CPNE7: variants seen among roughly 807,000 people sequenced by gnomAD.
CPNE7 encodes the protein copine-7.
A neutral mutation model predicts 66.5 loss-of-function variants in CPNE7; 78 were observed. The ratio of observed to expected loss-of-function variants is 1.17; its 90% CI spans 0.98 to 1.42. The LOEUF (loss-of-function observed/expected upper bound fraction) is 1.42. Ranked by LOEUF, CPNE7 falls within the 40% of genes most tolerant of loss-of-function variation. The probability of loss-of-function intolerance (pLI) is 0.00; values close to 1 mark genes in which losing one functional copy is unlikely to be tolerated. For synonymous variants in CPNE7, 468 were observed against 336.7 expected, an observed-to-expected ratio of 1.39 and a Z score of -4.27; for missense variants, 1,012 against 776.6, an observed-to-expected ratio of 1.30 and a Z score of -3.60.
Position 89,586,766 on chromosome 16 carries a change from G to A in CPNE7, c.867+10G>A. 1.2e-6 allele frequency: 2 copies of A among 1,610,184 alleles called. No homozygotes were observed. Among genetic ancestry groups the A allele is most frequent in the South Asian group, 1.1e-5 (1 of 91,004 alleles). The stretch of plus-strand genomic sequence containing the variant: ...CCTGGCTGACCTCAAGGTGAGAGGT[G>A]GCTGTGCCCGAAGCCTCCCCACCCA... On this transcript the variant is annotated intron_variant, in intron 8 of 14. Coordinates refer to ENST00000319518, the MANE Select transcript of CPNE7 (RefSeq NM_153636.3).
At chr16:89,592,899 G>A (rs539624409) in intron 13 of CPNE7, among the ~76,000 whole-genome samples, 16 of 129,608 alleles carry the variant, frequency 1.2e-4, no homozygotes, top group Admixed American at 3.7e-4. Context: ...TGCAAGCTCC[G>A]CCTCCCGGGT....
Position 89,585,800 on chromosome 16 carries a change from G to GT in CPNE7, c.780+16dup, listed in dbSNP as rs1363494426. 1.6e-5 allele frequency: 19 copies of GT among 1,204,518 alleles called. No individual in the cohort carries two copies. The highest frequency in any genetic ancestry group is 2.4e-5 in the Admixed American group (1 of 42,402). The allele number at this position is 1,204,518 out of a possible 1,614,324, so 74.6% of individuals were successfully genotyped here. On this transcript the variant is annotated intron_variant, in intron 7 of 14. Transcript: ENST00000319518. ...AGGAGGGGCAGGTGAGCAGGACGGG[G>GT]TAGGGGGTCCTCCAGGGAGGGTCAG...
rs567272288 is a variant in CPNE7, at chr16:89,584,080, G to A, written c.485G>A (p.Arg162Gln). The change falls in exon 4 of 15, where the codon CGG becomes CAG. Residue 162 changes from arginine to glutamine, a missense_variant. Transcript: ENST00000319518. The surrounding 1 kb of genome is among the most constrained non-coding windows in gnomAD (Gnocchi z 6.0). ...AACGGCTACGTGGAGCTCTCCTTCC[G>A]GGCCAGGAAGCTGGACGACAAGGTG... ...GNNGYVELSFRARKLDDKDLF... is the reference protein window; with the variant it reads ...GNNGYVELSFQARKLDDKDLF... 3.4e-5 allele frequency: 54 copies of A among 1,611,758 alleles called. No homozygotes were observed. The highest frequency in any genetic ancestry group is 1.2e-4 in the African/African-American group (9 of 74,994).
intron 7 of CPNE7, among the ~76,000 whole-genome samples, 185 bp downstream of exon 7, chr16:89,585,970 GT>G (rs2059031484): frequency 8.7e-6 from 1 of 114,562 alleles, no homozygotes; most frequent in Non-Finnish European, 1.8e-5. Flanking sequence ...GGAGGAGCAG[GT>G]TGGGGGGGCC....
chr16:89,587,156 C>CG, intron 9 of CPNE7, 54 bp downstream of exon 9: 1 of 518,618 alleles, frequency 1.9e-6, no homozygotes, highest in South Asian at 4.1e-5. Context: ...CCCCGCCCCG[C>CG]CCCGCCCCCT....
At chr16:89,589,185 A>C (rs1167220341) in intron 10 of CPNE7, among the ~76,000 whole-genome samples, 1 of 152,190 alleles carries the variant, frequency 6.6e-6, no homozygotes, top group Non-Finnish European at 1.5e-5. Flanking sequence ...CCAGCTACTC[A>C]GGAGGCTGAG....
intron 13 of CPNE7, among the ~76,000 whole-genome samples, chr16:89,593,695 T>C (rs910589358): frequency 6.6e-6 from 1 of 152,236 alleles, no homozygotes; most frequent in African/African-American, 2.4e-5. Context: ...ATCAAAGATA[T>C]TCTCTTGTAT....
At position 89,584,885 on chromosome 16, in the gene CPNE7, GA is replaced by G; in HGVS notation, c.591+29del. The G allele has an allele frequency of 6.3e-7, 1 of 1,592,770 alleles. No individual in the cohort carries two copies. Among genetic ancestry groups the G allele is most frequent in the Non-Finnish European group, 8.6e-7 (1 of 1,162,372 alleles). ...GAGCGGCCGGGGATGGGAACACAGGGAGGGGAAGGGGCTGTCCCCAGCCCTC... is the reference window on the plus strand; with the variant it reads ...GAGCGGCCGGGGATGGGAACACAGGGGGGGAAGGGGCTGTCCCCAGCCCTC... On this transcript the variant is annotated intron_variant, in intron 5 of 14. Coordinates refer to ENST00000319518, the MANE Select transcript of CPNE7 (RefSeq NM_153636.3). This position sits in a 1 kb window ranked among gnomAD's most constrained non-coding sequence, Gnocchi z 6.0.
Position 89,585,801 on chromosome 16 carries a change from T to C in CPNE7, c.780+16T>C, listed in dbSNP as rs867743445. The C allele has an allele frequency of 2.8e-5, 23 of 818,158 alleles. No individual in the cohort carries two copies. The African/African-American group carries it at 4.3e-4, about 15-fold the overall frequency. The allele number at this position is 818,158 out of a possible 1,614,324, so 50.7% of individuals were successfully genotyped here. A position where few individuals can be genotyped will look rare whatever the true frequency, so the allele number is the denominator to read the frequency against. ...GGAGGGGCAGGTGAGCAGGACGGGG[T>C]AGGGGGTCCTCCAGGGAGGGTCAGG... On this transcript the variant is annotated intron_variant, in intron 7 of 14. Transcript: ENST00000319518.
At chr16:89,588,587 G>C (rs2059121257) in intron 9 of CPNE7, 88 bp from the exon 10 acceptor site, 2 of 1,551,684 alleles carry the variant, frequency 1.3e-6, no homozygotes, top group Non-Finnish European at 1.8e-6. Flanking sequence ...CTGAGTCCTG[G>C]CCACTCTGGG....
chr16:89,577,432 GTCC>G (rs1035058086), intron 1 of CPNE7, 104 bp from the exon 2 acceptor site: 4 of 1,160,578 alleles, frequency 3.4e-6, no homozygotes, highest in Admixed American at 2.3e-5. Context: ...CAGGGTATGA[GTCC>G]TCCTGAGGTA....
At chr16:89,590,826 A>G (rs1280133387) in intron 11 of CPNE7, among the ~76,000 whole-genome samples, 181 bp from the exon 12 acceptor site, 3 of 26,414 alleles carry the variant, frequency 1.1e-4, no homozygotes, top group Admixed American at 5.8e-4. Flanking sequence ...GGGGCCGGGG[A>G]CGGGGGGAGC....
At chr16:89,596,024 T>G in intron 14 of CPNE7, 1 of 468,808 alleles carries the variant, frequency 2.1e-6, no homozygotes, top group Middle Eastern at 3.8e-4. Context: ...AAGACACACA[T>G]GTCACACATG....
chr16:89,589,846 T>G (rs1279759591), intron 10 of CPNE7, 51 bp from the exon 11 acceptor site: 1 of 1,602,756 alleles, frequency 6.2e-7, no homozygotes, highest in African/African-American at 1.3e-5. Context: ...TGGCCCCTGT[T>G]GCAGCCACAA....
chr16:89,589,885 C>T lies in CPNE7; in HGVS notation c.1062-12C>T, dbSNP rs112131759. 6.2e-5 allele frequency: 100 copies of T among 1,613,700 alleles called. No homozygotes were observed. The African/African-American group carries it at 1.3e-3, about 20-fold the overall frequency. On this transcript the variant is annotated splice_polypyrimidine_tract_variant and intron_variant, in intron 10 of 14. Transcript: ENST00000319518. ...GTCAGGGCCTCCTGGTGACCTCCTGCCTCTCTTCCAGTGACAAGAGGTTTT... is the reference window on the plus strand; with the variant it reads ...GTCAGGGCCTCCTGGTGACCTCCTGTCTCTCTTCCAGTGACAAGAGGTTTT...
chr16:89,596,653 G>A lies in CPNE7; in HGVS notation c.*32G>A, dbSNP rs753681846. ...GGAGGGCGTAGGGTGGGGGCAGTGA[G>A]GAATGGGTCCGTACAGCCTCTGTCT... is the stretch of plus-strand genomic sequence containing the variant. On this transcript the variant is annotated 3_prime_UTR_variant, in exon 15 of 15. Coordinates refer to ENST00000319518, the MANE Select transcript of CPNE7 (RefSeq NM_153636.3). 3 of 1,565,366 alleles carry A rather than the reference G, an allele frequency of 1.9e-6. No individual in the cohort carries two copies. The highest frequency in any genetic ancestry group is 2.3e-5 in the East Asian group (1 of 43,858).
At position 89,587,038 on chromosome 16, in the gene CPNE7, G is replaced by T; in HGVS notation, c.868-5G>T. On this transcript the variant is annotated splice_region_variant and splice_polypyrimidine_tract_variant and intron_variant, in intron 8 of 14. Transcript: ENST00000319518. ...GGGGTGGACGCTGACTCCGCCGGCC[G>T]GAAGTTCCACAGGGTGTACTCCTTC... The T allele has an allele frequency of 6.3e-7, 1 of 1,576,992 alleles. No individual in the cohort carries two copies. Among genetic ancestry groups the T allele is most frequent in the Non-Finnish European group, 8.6e-7 (1 of 1,161,072 alleles).
At chr16:89,589,717 C>A (rs989840931) in intron 10 of CPNE7, among the ~76,000 whole-genome samples, 180 bp from the exon 11 acceptor site, 3 of 152,198 alleles carry the variant, frequency 2.0e-5, no homozygotes, top group African/African-American at 4.8e-5. Context: ...CCCTTGCACA[C>A]AGGCCTGTGC....
Position 89,583,785 on chromosome 16 carries a change from G to A in CPNE7, c.432+14G>A, listed in dbSNP as rs755079585. 13 of 1,611,816 alleles carry A rather than the reference G, an allele frequency of 8.1e-6. No homozygotes were observed. The highest frequency in any genetic ancestry group is 1.6e-4 in the Middle Eastern group (1 of 6,074). ...TCCACCATCACGGTGAGACCCGGGC[G>A]CACCCCTGCAGCCTGCAGGCCCTGC... On this transcript the variant is annotated intron_variant, in intron 3 of 14. Transcript: ENST00000319518.
Sources: allele counts gnomAD v4.1 joint callset (sites outside exome capture counted in the v4.1 genomes callset), GRCh38; gene constraint gnomAD v4.1.1; non-coding constraint Gnocchi (gnomAD v3.1); transcripts MANE v1.5; gene names NCBI Gene and HGNC (gene_info 2026-07-23, HGNC 2026-07-21).